Variants in ZNF454 observed in about 807,000 individuals in gnomAD.
The protein encoded by ZNF454 is zinc finger protein 454.
ZNF454 carries 30 observed loss-of-function variants against 48.2 expected under a neutral mutation model. The observed-to-expected ratio is 0.62, with a 90% CI of 0.47 to 0.84. ZNF454 has a LOEUF of 0.84. ZNF454 is among the 40% of genes least tolerant of loss of function. ZNF454 has a pLI of 0.00. For missense variants in ZNF454, 510 were observed against 623.1 expected (o/e 0.82, Z 1.93); for synonymous variants, 204 against 211.4 (o/e 0.97, Z 0.30).
At chr5:178,986,292 C>G in the ZNF454 span, 1 of 1,614,032 alleles carries the variant, frequency 6.2e-7, no homozygotes, top group Non-Finnish European at 8.5e-7. Context: ...CCAGGAAGAG[C>G]CTGCGGGCGG....
At chr5:178,971,621 G>A in the ZNF454 span, among the ~76,000 whole-genome samples, 5 of 151,884 alleles carry the variant, frequency 3.3e-5, no homozygotes, top group African/African-American at 1.2e-4. Context: ...GGCAGAGACG[G>A]GCAGATCACG....
downstream of ZNF454, among the ~76,000 whole-genome samples, chr5:178,970,605 G>T (rs1760221923): frequency 6.6e-6 from 1 of 152,014 alleles, no homozygotes; most frequent in Non-Finnish European, 1.5e-5. Flanking sequence ...GGGATTACAG[G>T]TTCCCACCAC....
the ZNF454 span, among the ~76,000 whole-genome samples, chr5:178,985,437 C>T: frequency 4.0e-4 from 61 of 151,470 alleles, no homozygotes; most frequent in Middle Eastern, 3.5e-3. Flanking sequence ...GGCGCAGCGG[C>T]TCCCGCCTGT....
At chr5:178,950,454 T>G (rs558528992) in intron 4 of ZNF454, among the ~76,000 whole-genome samples, 1 of 152,190 alleles carries the variant, frequency 6.6e-6, no homozygotes, top group Non-Finnish European at 1.5e-5. Context: ...AAGAGGCAAG[T>G]CAGGGTTAGC....
chr5:178,985,631 A>G, the ZNF454 span: 2 of 373,118 alleles, frequency 5.4e-6, no homozygotes, highest in African/African-American at 2.2e-5. Context: ...TGAACCCGGA[A>G]GGCAGAGCTT....
chr5:178,975,902 C>G, the ZNF454 span, among the ~76,000 whole-genome samples: 1 of 152,130 alleles, frequency 6.6e-6, no homozygotes. Context: ...CGGAGCAAAA[C>G]TCTCTCTCTA....
intron 4 of ZNF454, among the ~76,000 whole-genome samples, chr5:178,956,470 G>A (rs945679443): frequency 2.3e-5 from 3 of 128,372 alleles, no homozygotes; most frequent in Non-Finnish European, 4.7e-5. Context: ...CAGTTCTCCC[G>A]CCCCAGGCAT....
At chr5:178,976,378 T>G in the ZNF454 span, among the ~76,000 whole-genome samples, 2 of 152,238 alleles carry the variant, frequency 1.3e-5, 1 homozygote, top group African/African-American at 4.8e-5. Context: ...CTGTCTATTT[T>G]GTCTGCTGAT....
the ZNF454 span, chr5:178,986,315 C>T: frequency 1.2e-6 from 2 of 1,613,884 alleles, no homozygotes; most frequent in Non-Finnish European, 1.7e-6. Flanking sequence ...CAGACCGCGG[C>T]CCCAGGCTCA....
intron 4 of ZNF454, among the ~76,000 whole-genome samples, chr5:178,954,758 T>G (rs1759684046): frequency 2.0e-5 from 3 of 152,228 alleles, no homozygotes; most frequent in Admixed American, 2.0e-4. Context: ...ACTAACCTAC[T>G]TGCTGCCACT....
the ZNF454 span, chr5:178,983,334 G>T: frequency 1.1e-6 from 1 of 911,070 alleles, no homozygotes; most frequent in Non-Finnish European, 1.8e-6. Flanking sequence ...CCTATGGAGG[G>T]GATGCTCCAC....
the ZNF454 span, among the ~76,000 whole-genome samples, chr5:178,974,540 G>T: frequency 2.0e-5 from 3 of 152,096 alleles, no homozygotes; most frequent in African/African-American, 7.2e-5. Context: ...GGATGGTCTC[G>T]ATCTCCTGAC....
At chr5:178,982,926 G>A in the ZNF454 span, 128,325 of 1,613,038 alleles carry the variant, frequency 0.08, 5,640 homozygotes, top group Non-Finnish European at 0.09. Context: ...AGCTGACTGG[G>A]CAGTGCCAAA....
At chr5:178,977,546 G>A in the ZNF454 span, 4 of 223,336 alleles carry the variant, frequency 1.8e-5, no homozygotes, top group East Asian at 5.6e-4. Context: ...GAAGTGATGA[G>A]GCTTAAAATT....
intron 1 of ZNF454, among the ~76,000 whole-genome samples, chr5:178,942,213 G>C (rs1182614604): frequency 6.6e-6 from 1 of 152,188 alleles, no homozygotes; most frequent in East Asian, 1.9e-4. Context: ...AGACCAGTCC[G>C]ACCAACATGG....
At chr5:178,989,527 T>C in the ZNF454 span, 1 of 1,244,456 alleles carries the variant, frequency 8.0e-7, no homozygotes, top group Non-Finnish European at 1.2e-6. Context: ...AGTGGCCAGG[T>C]GAACTAGGCA....
chr5:178,963,779 T>C lies in ZNF454; in HGVS notation c.251-876T>C, dbSNP rs146652232. 7.9e-5 allele frequency among the ~76,000 whole-genome samples: 12 copies of C among 151,844 alleles called. 1 individual carries two copies. In the East Asian group the frequency reaches 2.2e-3, roughly 28 times the overall value. ...CCTCACAAGCAATAGGAGGTCCTTA[T>C]TTTTTTAGTAGATATGAGCATTTCA... On this transcript the variant is annotated intron_variant, in intron 4 of 4. Transcript: ENST00000519564.
At chr5:178,983,335 G>T in the ZNF454 span, 2 of 902,614 alleles carry the variant, frequency 2.2e-6, no homozygotes, top group Non-Finnish European at 3.5e-6. Flanking sequence ...CTATGGAGGG[G>T]ATGCTCCACC....
At chr5:178,981,114 G>C in the ZNF454 span, 5 of 162,320 alleles carry the variant, frequency 3.1e-5, no homozygotes, top group Admixed American at 1.7e-4. The surrounding 1 kb of genome is among the most constrained non-coding windows in gnomAD (Gnocchi z 5.1). Flanking sequence ...TGCTCACAGG[G>C]GTCTCACCCA....
Sources: allele counts gnomAD v4.1 joint callset (sites outside exome capture counted in the v4.1 genomes callset), GRCh38; gene constraint gnomAD v4.1.1; non-coding constraint Gnocchi (gnomAD v3.1); transcripts MANE v1.5; gene names NCBI Gene and HGNC (gene_info 2026-07-23, HGNC 2026-07-21).